Variants in GATAD1 observed in about 807,000 individuals in gnomAD.
The protein encoded by GATAD1 is GATA zinc finger domain containing 1, also known as GATA zinc finger domain-containing protein 1.
In GATAD1, 12 loss-of-function variants were observed where a neutral mutation model predicts 26.5. That is an observed-to-expected ratio of 0.45 (90% CI 0.29 to 0.73). The LOEUF (loss-of-function observed/expected upper bound fraction) is 0.73, where lower values mean the gene tolerates loss of function less well. Ranked by LOEUF, GATAD1 falls within the 30% of genes least tolerant of loss-of-function variation. GATAD1 has a pLI of 0.10. For missense variants in GATAD1, 266 were observed against 342.1 expected (o/e 0.78, Z 1.75); for synonymous variants, 129 against 133.1 (o/e 0.97, Z 0.21).
At chr7:92,462,786 C>T (rs1789967797), downstream of GATAD1, among the ~76,000 whole-genome samples, 1 of 152,196 alleles carries the variant, frequency 6.6e-6, no homozygotes, top group African/African-American at 2.4e-5. Context: ...CAAAGCCTTC[C>T]TTTCTCTCCT....
At chr7:92,449,488 G>T (rs1789325509) in intron 2 of GATAD1, 1 of 974,992 alleles carries the variant, frequency 1.0e-6, no homozygotes, top group African/African-American at 1.8e-5. Flanking sequence ...TATAAACAAG[G>T]GATAATGTTC....
the GATAD1 span, among the ~76,000 whole-genome samples, chr7:92,484,137 G>A: frequency 6.6e-6 from 1 of 152,110 alleles, no homozygotes; most frequent in African/African-American, 2.4e-5. Flanking sequence ...CCATATTCTG[G>A]CCATTTAAAG....
chr7:92,491,176 A>AT, the GATAD1 span: 7 of 828,022 alleles, frequency 8.5e-6, no homozygotes, highest in Non-Finnish European at 1.2e-5. Flanking sequence ...AACCAGGAAG[A>AT]ATATGTGGGG....
the GATAD1 span, chr7:92,494,576 G>A: frequency 2.5e-6 from 4 of 1,613,798 alleles, no homozygotes; most frequent in African/African-American, 4.0e-5. Context: ...CCGCCGAGGA[G>A]CAATGGATTC....
chr7:92,467,168 A>G, the GATAD1 span, among the ~76,000 whole-genome samples: 2 of 152,042 alleles, frequency 1.3e-5, no homozygotes, highest in African/African-American at 4.8e-5. Flanking sequence ...AATACAAAAA[A>G]ATTAGCCAGG....
downstream of GATAD1, among the ~76,000 whole-genome samples, chr7:92,464,876 A>T (rs1790042305): frequency 6.6e-6 from 1 of 152,242 alleles, no homozygotes; most frequent in Non-Finnish European, 1.5e-5. Flanking sequence ...GAATAATGCC[A>T]TAGAGGAGCT....
At chr7:92,466,569 A>G in the GATAD1 span, among the ~76,000 whole-genome samples, 1 of 152,256 alleles carries the variant, frequency 6.6e-6, no homozygotes, top group Admixed American at 6.5e-5. Flanking sequence ...GAGAAAGATA[A>G]GCTTTATTAT....
At chr7:92,455,694 C>G (rs1239727015) in intron 4 of GATAD1, among the ~76,000 whole-genome samples, 1 of 152,192 alleles carries the variant, frequency 6.6e-6, no homozygotes, top group Non-Finnish European at 1.5e-5. Flanking sequence ...TTGGAGAGAA[C>G]TCCAGGGACA....
At chr7:92,466,512 A>G in the GATAD1 span, among the ~76,000 whole-genome samples, 1,905 of 152,332 alleles carry the variant, frequency 0.013, 51 homozygotes, top group African/African-American at 0.044. Context: ...ATAATTTAAA[A>G]AACAAAATCT....
chr7:92,462,283 C>G (rs576944218), downstream of GATAD1, among the ~76,000 whole-genome samples: 17 of 150,312 alleles, frequency 1.1e-4, no homozygotes, highest in Admixed American at 3.3e-4. Context: ...ATACCATTTA[C>G]AAATAATTTT....
chr7:92,468,871 C>A, the GATAD1 span: 1 of 764,300 alleles, frequency 1.3e-6, no homozygotes, highest in South Asian at 1.3e-5. Context: ...GCTAGCAGGC[C>A]GGTCCAGGGG....
intron 3 of GATAD1, among the ~76,000 whole-genome samples, chr7:92,451,084 G>A (rs1215481426): frequency 6.6e-6 from 1 of 152,174 alleles, no homozygotes; most frequent in African/African-American, 2.4e-5. Context: ...TAGTGCGATG[G>A]CATTGAAGAA....
chr7:92,494,174 G>T, the GATAD1 span: 1 of 794,912 alleles, frequency 1.3e-6, no homozygotes, highest in Admixed American at 2.0e-5. Context: ...AGTGGCTAAA[G>T]CTTTTCCCTA....
chr7:92,476,417 A>G, the GATAD1 span, among the ~76,000 whole-genome samples: 3 of 152,210 alleles, frequency 2.0e-5, no homozygotes, highest in Admixed American at 6.5e-5. Context: ...CGGGTTGTCA[A>G]TGGCCTCAGT....
chr7:92,480,121 A>C, the GATAD1 span, among the ~76,000 whole-genome samples: 1 of 152,282 alleles, frequency 6.6e-6, no homozygotes, highest in South Asian at 2.1e-4. Flanking sequence ...CGAAGGTTCC[A>C]CTGAATACCA....
the GATAD1 span, chr7:92,470,102 G>T: frequency 1.3e-6 from 1 of 778,772 alleles, no homozygotes. Flanking sequence ...GGACAACTAG[G>T]ATTAATCATT....
the GATAD1 span, among the ~76,000 whole-genome samples, chr7:92,486,573 C>T: frequency 6.6e-6 from 1 of 152,138 alleles, no homozygotes. Flanking sequence ...CTGAGCTTTG[C>T]TGGTTTAGAA....
At chr7:92,476,370 C>T in the GATAD1 span, among the ~76,000 whole-genome samples, 3 of 152,132 alleles carry the variant, frequency 2.0e-5, no homozygotes, top group Non-Finnish European at 2.9e-5. Context: ...GGTCCATCTG[C>T]GGGTTACTGG....
chr7:92,456,272 C>T, intron 4 of GATAD1, 100 bp from the exon 5 acceptor site: 1 of 653,494 alleles, frequency 1.5e-6, no homozygotes, highest in Non-Finnish European at 2.6e-6. Context: ...CCAGGTTGCT[C>T]CCAGAGTGGT....
Sources: gnomAD v4.1 joint callset for allele counts (sites outside exome capture counted in the v4.1 genomes callset) on GRCh38, gnomAD v4.1.1 for gene constraint, MANE v1.5 for transcripts, NCBI Gene and HGNC (gene_info 2026-07-23, HGNC 2026-07-21) for gene names.